BCO2: variants seen among roughly 807,000 people sequenced by gnomAD.
BCO2 encodes beta-carotene oxygenase 2, also known as carotenoid-cleaving dioxygenase, mitochondrial.
A neutral mutation model predicts 65.8 loss-of-function variants in BCO2; 56 were observed. The observed-to-expected ratio is 0.85, with a 90% CI of 0.69 to 1.06. The LOEUF (loss-of-function observed/expected upper bound fraction) is 1.06, where lower values mean the gene tolerates loss of function less well. BCO2 is among the 50% of genes least tolerant of loss of function. The probability of loss-of-function intolerance (pLI) is 0.00; values close to 1 mark genes in which losing one functional copy is unlikely to be tolerated. For missense variants in BCO2, 675 were observed against 698.5 expected (o/e 0.97, Z 0.38); for synonymous variants, 233 against 242.3 (o/e 0.96, Z 0.36).
At chr11:112,196,363 G>T (rs1023938495) in intron 5 of BCO2, among the ~76,000 whole-genome samples, 1 of 152,102 alleles carries the variant, frequency 6.6e-6, no homozygotes, top group East Asian at 1.9e-4. Flanking sequence ...ACATTTGGGG[G>T]AAACTTAGTG....
In BCO2 at chr11:112,204,742, G is replaced by A. The variant is rs144328863; in HGVS notation, c.1194+2552G>A. Among the ~76,000 whole-genome samples, 259 of 152,170 alleles carry A rather than the reference G, an allele frequency of 1.7e-3. 1 individual carries two copies. Among genetic ancestry groups the A allele is most frequent in the African/African-American group, 6.1e-3 (252 of 41,518 alleles). ...GACTGGAGTGCAATGGCGTGATCTC[G>A]TCTCACTGCAACCTCCGCCTCCTCA... is the stretch of plus-strand genomic sequence containing the variant. On this transcript the variant is annotated intron_variant, in intron 8 of 11. Transcript: ENST00000357685.
intron 8 of BCO2, among the ~76,000 whole-genome samples, chr11:112,205,234 T>G (rs920796398): frequency 6.6e-6 from 1 of 152,172 alleles, no homozygotes; most frequent in African/African-American, 2.4e-5. Context: ...TCCTATACTG[T>G]TTTTCATAAT....
intron 6 of BCO2, chr11:112,200,294 A>G (rs1056146039): frequency 4.7e-6 from 1 of 213,516 alleles, no homozygotes; most frequent in South Asian, 1.3e-4. Flanking sequence ...ACATGTAAAG[A>G]TCATAAAGGA....
intron 8 of BCO2, among the ~76,000 whole-genome samples, chr11:112,211,608 C>T (rs1044654766): frequency 1.3e-5 from 2 of 151,992 alleles, no homozygotes; most frequent in East Asian, 1.9e-4. Flanking sequence ...CAGTTCTTCA[C>T]GTTTTTACCA....
chr11:112,191,131 A>G (rs1867375742), intron 2 of BCO2, among the ~76,000 whole-genome samples: 1 of 151,752 alleles, frequency 6.6e-6, no homozygotes, highest in African/African-American at 2.4e-5. Context: ...ACCAGATGTA[A>G]GCAATGCAAT....
At chr11:112,179,548 T>G in intron 2 of BCO2, 66 bp downstream of exon 2, 1 of 1,316,248 alleles carries the variant, frequency 7.6e-7, no homozygotes. Flanking sequence ...GAATATGCAT[T>G]AATATCTGCT....
At chr11:112,196,982 A>G (rs1302124384) in intron 5 of BCO2, among the ~76,000 whole-genome samples, 3 of 116,390 alleles carry the variant, frequency 2.6e-5, no homozygotes, top group Non-Finnish European at 4.9e-5. Flanking sequence ...TCCCTCCCTC[A>G]TTGCTCTTTC....
intron 8 of BCO2, among the ~76,000 whole-genome samples, chr11:112,203,006 C>T (rs1254526674): frequency 6.8e-6 from 1 of 147,800 alleles, no homozygotes; most frequent in Non-Finnish European, 1.5e-5. Flanking sequence ...ACCAAGATCG[C>T]ACCACTGCAC....
intron 8 of BCO2, 84 bp downstream of exon 8, chr11:112,202,274 T>A: frequency 1.7e-6 from 2 of 1,168,580 alleles, no homozygotes; most frequent in Non-Finnish European, 2.4e-6. Context: ...CATGTTTCTC[T>A]CTCTCTCTCT....
In BCO2 at chr11:112,201,978, A is replaced by C. The variant is rs774022237; in HGVS notation, c.1027-45A>C. Reference sequence around the variant, plus strand: ...TTCCTAAAGGAAAGGGAAAAAGAAGAAAACTAAAAAAAATTTTTTTCATTG... The same window carrying C: ...TTCCTAAAGGAAAGGGAAAAAGAAGCAAACTAAAAAAAATTTTTTTCATTG... On this transcript the variant is annotated intron_variant, in intron 7 of 11. Coordinates refer to ENST00000357685, the MANE Select transcript of BCO2 (RefSeq NM_031938.7). 3 of 1,498,834 alleles carry C rather than the reference A, an allele frequency of 2.0e-6. No individual in the cohort carries two copies. In the South Asian group the frequency reaches 4.1e-5, roughly 21 times the overall value. 92.8% of individuals were successfully genotyped at this position (1,498,834 alleles called of 1,614,324 possible). A position where few individuals can be genotyped will look rare whatever the true frequency, so the allele number is the denominator to read the frequency against.
At chr11:112,186,856 A>C (rs1367095361) in intron 2 of BCO2, among the ~76,000 whole-genome samples, 1 of 152,124 alleles carries the variant, frequency 6.6e-6, no homozygotes, top group Non-Finnish European at 1.5e-5. Flanking sequence ...CAAAAGTAAA[A>C]AGAATAAAGT....
chr11:112,217,110 T>C (rs1350883399), intron 11 of BCO2, among the ~76,000 whole-genome samples: 1 of 152,104 alleles, frequency 6.6e-6, no homozygotes, highest in African/African-American at 2.4e-5. Context: ...GAAGAAAGAG[T>C]TTCTGTCTTT....
At chr11:112,194,623 T>TA (rs1867508310) in intron 4 of BCO2, 30 bp from the exon 5 acceptor site, 1 of 1,367,672 alleles carries the variant, frequency 7.3e-7, no homozygotes, top group Non-Finnish European at 1.0e-6. Context: ...ATCTGCCCAT[T>TA]AAAAATCTCC....
Position 112,179,477 on chromosome 11 carries a change from G to T in BCO2, c.288G>T (p.Lys96Asn), listed in dbSNP as rs1222276826. The part of the protein sequence containing the change: ...RIGPGKFEFG[K>N]DKYNHWFDGM... ...GACCTGGGAAATTCGAGTTTGGGAA[G>T]GATAAGTAAGCCTTGATTTTGGAGA... The change falls in exon 2 of 12, where the codon AAG (lysine) becomes AAT (asparagine). Residue 96 changes from lysine (K) to asparagine (N), a missense_variant. Lys to Asn is a moderately conservative substitution (Grantham distance 94). Coordinates refer to ENST00000357685, the MANE Select transcript of BCO2 (RefSeq NM_031938.7). The T allele has an allele frequency of 6.2e-7, 1 of 1,613,818 alleles. No homozygotes were observed. Among genetic ancestry groups the T allele is most frequent in the Non-Finnish European group, 8.5e-7 (1 of 1,179,796 alleles).
Position 112,218,467 on chromosome 11 carries a change from C to T in BCO2, c.*593C>T. ...CAAAGCGTTAGACAAGCACCAAGCC[C>T]ACTTTTGTCTGCCTGCACCCAACTG... On this transcript the variant is annotated 3_prime_UTR_variant, in exon 12 of 12. Transcript: ENST00000357685. The T allele has an allele frequency of 4.0e-6, 1 of 249,484 alleles. No homozygotes were observed. Among genetic ancestry groups the T allele is most frequent in the Non-Finnish European group, 8.4e-6 (1 of 118,682 alleles). The allele number at this position is 249,484 out of a possible 1,614,324, so 15.5% of individuals were successfully genotyped here.
At chr11:112,177,729 C>A (rs560763205) in intron 1 of BCO2, among the ~76,000 whole-genome samples, 2 of 152,094 alleles carry the variant, frequency 1.3e-5, no homozygotes, top group East Asian at 3.9e-4. Flanking sequence ...AGGAAACAGA[C>A]CACAGAGAGG....
intron 8 of BCO2, among the ~76,000 whole-genome samples, chr11:112,203,356 T>A (rs1022334196): frequency 6.6e-6 from 1 of 152,254 alleles, no homozygotes; most frequent in Non-Finnish European, 1.5e-5. Flanking sequence ...TCTTGACATC[T>A]GTGGTTGTTT....
intron 6 of BCO2, 24 bp from the exon 7 acceptor site, chr11:112,200,589 T>C: frequency 6.3e-7 from 1 of 1,583,238 alleles, no homozygotes; most frequent in Non-Finnish European, 8.6e-7. Context: ...AATAACATTT[T>C]TATTGTTTGC....
chr11:112,198,681 A>G (rs955147233), intron 5 of BCO2, among the ~76,000 whole-genome samples: 1 of 152,128 alleles, frequency 6.6e-6, no homozygotes, highest in African/African-American at 2.4e-5. Flanking sequence ...AGCCAGATGA[A>G]TGATTGCATG....
Sources: allele counts gnomAD v4.1 joint callset (sites outside exome capture counted in the v4.1 genomes callset), GRCh38; gene constraint gnomAD v4.1.1; transcripts MANE v1.5; gene names NCBI Gene and HGNC (gene_info 2026-07-23, HGNC 2026-07-21).